The following FHIT variants were observed in gnomAD, a reference collection of about 807,000 sequenced individuals.
The protein encoded by FHIT is fragile histidine triad diadenosine triphosphatase, also known as bis(5'-adenosyl)-triphosphatase.
Under a neutral mutation model 17.9 loss-of-function variants are expected in FHIT, and 19 were observed. That is an observed-to-expected ratio of 1.06 (90% CI 0.74 to 1.56). The LOEUF (loss-of-function observed/expected upper bound fraction) is 1.56. FHIT is among the 40% of genes most tolerant of loss of function. The pLI is 0.00. For missense variants in FHIT, 248 were observed against 189.2 expected, an observed-to-expected ratio of 1.31 and a Z score of -1.82; for synonymous variants, 81 against 69.7, an observed-to-expected ratio of 1.16 and a Z score of -0.81.
At chr3:60,933,377 T>C (rs1708052896) in intron 3 of FHIT, among the ~76,000 whole-genome samples, 1 of 152,228 alleles carries the variant, frequency 6.6e-6, no homozygotes, top group Admixed American at 6.5e-5. Context: ...AAAATAATAT[T>C]TAATCATGTA....
At chr3:60,717,913 C>T (rs550703110) in intron 4 of FHIT, among the ~76,000 whole-genome samples, 50 of 152,276 alleles carry the variant, frequency 3.3e-4, no homozygotes, top group African/African-American at 1.2e-3. Context: ...AACACACACA[C>T]GGCTTAGGAT....
At chr3:60,918,066 T>C (rs551299423) in intron 3 of FHIT, among the ~76,000 whole-genome samples, 3 of 152,342 alleles carry the variant, frequency 2.0e-5, no homozygotes, top group African/African-American at 7.2e-5. Context: ...CATACTGTTC[T>C]CGTGGTAGTA....
At chr3:60,954,521 G>C (rs1709029558) in intron 3 of FHIT, among the ~76,000 whole-genome samples, 1 of 152,160 alleles carries the variant, frequency 6.6e-6, no homozygotes, top group Non-Finnish European at 1.5e-5. Flanking sequence ...TGAAACTGAG[G>C]ATACCAAAGG....
At chr3:61,187,461 G>C (rs1050706686) in intron 2 of FHIT, among the ~76,000 whole-genome samples, 1 of 152,256 alleles carries the variant, frequency 6.6e-6, no homozygotes, top group Non-Finnish European at 1.5e-5. Context: ...AAGAGATTTA[G>C]ACTCCCACAC....
chr3:60,332,361 T>C (rs1361352602), intron 5 of FHIT, among the ~76,000 whole-genome samples: 2 of 152,194 alleles, frequency 1.3e-5, no homozygotes, highest in Non-Finnish European at 2.9e-5. Flanking sequence ...GGAGGTATGC[T>C]TGGCTATAGA....
intron 2 of FHIT, among the ~76,000 whole-genome samples, chr3:61,110,473 AT>A (rs1457021833): frequency 1.3e-5 from 2 of 152,060 alleles, no homozygotes; most frequent in Non-Finnish European, 2.9e-5. Flanking sequence ...TTGTTTGATA[AT>A]TCCTCATGGC....
chr3:60,032,278 A>T (rs1230061008), intron 5 of FHIT, among the ~76,000 whole-genome samples: 1 of 152,002 alleles, frequency 6.6e-6, no homozygotes, highest in Non-Finnish European at 1.5e-5. Flanking sequence ...TGGGCAAAGT[A>T]GTGAGACCCC....
chr3:60,650,145 C>G (rs1019346786), intron 4 of FHIT, among the ~76,000 whole-genome samples: 3 of 152,188 alleles, frequency 2.0e-5, no homozygotes, highest in African/African-American at 7.2e-5. Context: ...TGTGGTACCT[C>G]TGTTGTCTCA....
intron 8 of FHIT, among the ~76,000 whole-genome samples, chr3:59,870,433 C>T (rs951974553): frequency 2.0e-5 from 3 of 152,064 alleles, no homozygotes; most frequent in Non-Finnish European, 2.9e-5. Context: ...TCAGTCTTAA[C>T]GAGTCTTAAT....
At chr3:60,611,670 A>G (rs2038789851) in intron 4 of FHIT, among the ~76,000 whole-genome samples, 1 of 152,294 alleles carries the variant, frequency 6.6e-6, no homozygotes, top group Admixed American at 6.5e-5. Context: ...GCTCGGCTCT[A>G]TACTAGACCA....
chr3:61,058,219 G>T (rs1170615382), intron 2 of FHIT, among the ~76,000 whole-genome samples: 1 of 152,148 alleles, frequency 6.6e-6, no homozygotes, highest in East Asian at 1.9e-4. Flanking sequence ...ATAAGCATGA[G>T]TCTCCACATA....
chr3:60,372,753 T>G (rs560758641), intron 5 of FHIT, among the ~76,000 whole-genome samples: 4 of 152,234 alleles, frequency 2.6e-5, no homozygotes, highest in Non-Finnish European at 5.9e-5. Flanking sequence ...TATTTCTTCC[T>G]TATCTATGGC....
At chr3:61,166,161 A>G (rs1030431664) in intron 2 of FHIT, among the ~76,000 whole-genome samples, 1 of 147,584 alleles carries the variant, frequency 6.8e-6, no homozygotes, top group African/African-American at 2.4e-5. Context: ...ATACTAACTT[A>G]GATAGGTACA....
At position 60,123,967 on chromosome 3, in the gene FHIT, AATATATATATATATATATATATATAT is replaced by A. The variant is rs1176212050; in HGVS notation, c.104-109841_104-109816del. Among the ~76,000 whole-genome samples the A allele has an allele frequency of 1.8e-4, 5 of 27,796 alleles. 1 individual carries two copies. Among genetic ancestry groups the A allele is most frequent in the South Asian group, 1.3e-3 (1 of 742 alleles). The allele number at this position is 27,796 out of a possible 152,430, so 18.2% of individuals were successfully genotyped here. A position where few individuals can be genotyped will look rare whatever the true frequency, so the allele number is the denominator to read the frequency against. ...CTTCCATTAACAGAAATGCACTAAAAATATATATATATATATATATATATATATATATATATATATATAGAGAGAGA... is the reference window on the plus strand; with the variant it reads ...CTTCCATTAACAGAAATGCACTAAAAATATATATATATATATAGAGAGAGA... On this transcript the variant is annotated intron_variant, in intron 5 of 9. Transcript: ENST00000492590.
chr3:60,788,299 A>G (rs1553727517), intron 4 of FHIT, among the ~76,000 whole-genome samples: 1 of 151,832 alleles, frequency 6.6e-6, no homozygotes. Context: ...TCTTAAAAAC[A>G]AAAAAAATAT....
chr3:60,080,689 G>A (rs1397176016), intron 5 of FHIT: 1 of 152,108 alleles, frequency 6.6e-6, no homozygotes, highest in Non-Finnish European at 1.5e-5. Flanking sequence ...CGAGAAAGAA[G>A]AAATAGGTGA....
intron 7 of FHIT, among the ~76,000 whole-genome samples, chr3:59,924,087 A>G (rs1559735216): frequency 6.6e-6 from 1 of 152,178 alleles, no homozygotes; most frequent in Non-Finnish European, 1.5e-5. Context: ...TACCCATGAA[A>G]CCAAATTCTT....
At chr3:60,523,259 G>A (rs1040216990) in intron 5 of FHIT, among the ~76,000 whole-genome samples, 2 of 152,034 alleles carry the variant, frequency 1.3e-5, no homozygotes, top group Admixed American at 6.5e-5. Flanking sequence ...ATATCTATTT[G>A]ATGCACTAAT....
intron 5 of FHIT, among the ~76,000 whole-genome samples, chr3:60,429,097 G>A (rs192761548): frequency 1.6e-4 from 24 of 152,010 alleles, no homozygotes; most frequent in Middle Eastern, 3.4e-3. Context: ...AGGAAACTTC[G>A]CAGGCTATTA....
Sources: gnomAD v4.1 joint callset for allele counts (sites outside exome capture counted in the v4.1 genomes callset) on GRCh38, gnomAD v4.1.1 for gene constraint, MANE v1.5 for transcripts, NCBI Gene and HGNC (gene_info 2026-07-23, HGNC 2026-07-21) for gene names.